GRK3: variants seen among roughly 807,000 people sequenced by gnomAD.
The protein encoded by GRK3 is adrenergic, beta, receptor kinase 2.
In GRK3, 54 loss-of-function variants were observed where a neutral mutation model predicts 95.7. The ratio of observed to expected loss-of-function variants is 0.56; its 90% CI spans 0.45 to 0.71. The LOEUF (loss-of-function observed/expected upper bound fraction) is 0.71, where lower values mean the gene tolerates loss of function less well. GRK3 is among the 30% of genes least tolerant of loss of function. The probability of loss-of-function intolerance (pLI) is 0.00; values close to 1 mark genes in which losing one functional copy is unlikely to be tolerated. For synonymous variants in GRK3, 281 were observed against 290.8 expected (o/e 0.97, Z 0.34); for missense variants, 649 against 851.2 (o/e 0.76, Z 2.96).
chr22:25,624,838 C>T (rs140414309), intron 2 of GRK3, among the ~76,000 whole-genome samples: 1 of 152,112 alleles, frequency 6.6e-6, no homozygotes, highest in Admixed American at 6.5e-5. Context: ...TGTTTCCGCA[C>T]ACAATGATTT....
intron 2 of GRK3, among the ~76,000 whole-genome samples, chr22:25,636,741 A>AT (rs570333639): frequency 4.0e-4 from 60 of 150,574 alleles, no homozygotes; most frequent in East Asian, 2.5e-3. Flanking sequence ...CATTTTTCTG[A>AT]TTTTTTTTTT....
intron 3 of GRK3, among the ~76,000 whole-genome samples, chr22:25,660,507 C>A (rs1448439738): frequency 6.6e-6 from 1 of 152,190 alleles, no homozygotes; most frequent in East Asian, 1.9e-4. Flanking sequence ...AGCGTGTGAA[C>A]CTGCTAGCCC....
intron 2 of GRK3, among the ~76,000 whole-genome samples, chr22:25,627,358 C>CA (rs2084635360): frequency 6.6e-6 from 1 of 152,220 alleles, no homozygotes; most frequent in South Asian, 2.1e-4. Context: ...GGCTGAAGGC[C>CA]AACCCTCCCT....
intron 20 of GRK3, 124 bp from the exon 21 acceptor site, chr22:25,722,165 G>A: frequency 9.7e-7 from 1 of 1,027,090 alleles, no homozygotes. Context: ...TGCCACTGGG[G>A]GTGGACACGT....
At chr22:25,591,032 A>G (rs1194616470) in intron 1 of GRK3, among the ~76,000 whole-genome samples, 1 of 152,048 alleles carries the variant, frequency 6.6e-6, no homozygotes, top group African/African-American at 2.4e-5. Flanking sequence ...CCCCACTGCT[A>G]GGTTAAGGGC....
chr22:25,578,543 G>A (rs1931989894), intron 1 of GRK3, among the ~76,000 whole-genome samples: 1 of 152,140 alleles, frequency 6.6e-6, no homozygotes, highest in African/African-American at 2.4e-5. Context: ...TAGCAGCTAA[G>A]GTGCTGAGTT....
At chr22:25,605,955 G>A (rs568331103) in intron 2 of GRK3, among the ~76,000 whole-genome samples, 9 of 152,160 alleles carry the variant, frequency 5.9e-5, no homozygotes, top group Non-Finnish European at 1.2e-4. Flanking sequence ...ATGCATCCAG[G>A]ATTCTTCTTT....
At chr22:25,653,341 G>C (rs941984226) in intron 3 of GRK3, among the ~76,000 whole-genome samples, 1 of 152,048 alleles carries the variant, frequency 6.6e-6, no homozygotes, top group Admixed American at 6.5e-5. Context: ...GATATAATAC[G>C]AACACTAACC....
chr22:25,642,188 T>A (rs915785247), intron 2 of GRK3, among the ~76,000 whole-genome samples: 1 of 152,160 alleles, frequency 6.6e-6, no homozygotes, highest in Non-Finnish European at 1.5e-5. Context: ...ATCCCAGCAC[T>A]TTGGGAGGGC....
intron 5 of GRK3, among the ~76,000 whole-genome samples, chr22:25,665,533 C>A (rs1390075929): frequency 6.6e-6 from 1 of 151,896 alleles, no homozygotes; most frequent in Non-Finnish European, 1.5e-5. Flanking sequence ...TTTCATATAT[C>A]TTTTAAAAAA....
chr22:25,687,346 T>C (rs1328341377), intron 10 of GRK3, among the ~76,000 whole-genome samples, 191 bp from the exon 11 acceptor site: 1 of 152,120 alleles, frequency 6.6e-6, no homozygotes, highest in Non-Finnish European at 1.5e-5. Flanking sequence ...TGTATTTAAA[T>C]CTTCTCAATG....
At chr22:25,653,081 AAG>A (rs1364087937) in intron 3 of GRK3, among the ~76,000 whole-genome samples, 2 of 152,346 alleles carry the variant, frequency 1.3e-5, no homozygotes, top group African/African-American at 4.8e-5. Flanking sequence ...AACAAGTTAA[AAG>A]AGGGAAAAAT....
At chr22:25,592,561 GT>G (rs894260364) in intron 1 of GRK3, among the ~76,000 whole-genome samples, 2 of 151,374 alleles carry the variant, frequency 1.3e-5, no homozygotes, top group Non-Finnish European at 2.9e-5. Flanking sequence ...TAGTCACAAA[GT>G]TTTTTTTTAT....
intron 2 of GRK3, among the ~76,000 whole-genome samples, chr22:25,614,045 C>A (rs1220797100): frequency 6.6e-6 from 1 of 152,102 alleles, no homozygotes; most frequent in Admixed American, 6.5e-5. Context: ...ACTGGAAAAG[C>A]ACAATCCTTT....
chr22:25,628,839 C>T (rs2084645174), intron 2 of GRK3, among the ~76,000 whole-genome samples: 1 of 152,064 alleles, frequency 6.6e-6, no homozygotes, highest in Non-Finnish European at 1.5e-5. Flanking sequence ...GCACTGGTGT[C>T]CCTTAGGACT....
chr22:25,700,370 G>T (rs1022851771), intron 13 of GRK3, among the ~76,000 whole-genome samples: 2 of 152,314 alleles, frequency 1.3e-5, no homozygotes, highest in Admixed American at 6.5e-5. Flanking sequence ...CAATTGATGT[G>T]ACAGTGGCCT....
intron 17 of GRK3, among the ~76,000 whole-genome samples, chr22:25,713,917 T>C (rs2085363125): frequency 6.6e-6 from 1 of 152,230 alleles, no homozygotes; most frequent in Non-Finnish European, 1.5e-5. Flanking sequence ...GAAGCTCAGC[T>C]TCATTTACCT....
intron 2 of GRK3, among the ~76,000 whole-genome samples, chr22:25,639,042 G>A (rs2084724132): frequency 6.6e-6 from 1 of 152,040 alleles, no homozygotes; most frequent in Non-Finnish European, 1.5e-5. Context: ...TTCTTTTATT[G>A]AGTTGTTCTT....
intron 6 of GRK3, 46 bp downstream of exon 6, chr22:25,667,846 G>A (rs374147909): frequency 2.0e-5 from 22 of 1,108,898 alleles, no homozygotes; most frequent in African/African-American, 1.5e-4. Context: ...TATCATGTAC[G>A]TGTACCTCAT....
Sources: allele counts gnomAD v4.1 joint callset (sites outside exome capture counted in the v4.1 genomes callset), GRCh38; gene constraint gnomAD v4.1.1; transcripts MANE v1.5; gene names NCBI Gene and HGNC (gene_info 2026-07-23, HGNC 2026-07-21).